The following TMEM132B variants were observed in gnomAD, a reference collection of about 807,000 sequenced individuals.
TMEM132B encodes the protein transmembrane protein 132B.
A neutral mutation model predicts 90.8 loss-of-function variants in TMEM132B; 18 were observed. That is an observed-to-expected ratio of 0.20 (90% CI 0.14 to 0.29). The LOEUF is 0.29. TMEM132B is among the 10% of genes least tolerant of loss of function. The pLI, the probability that TMEM132B is intolerant of heterozygous loss-of-function variation, is 1.00. For synonymous variants in TMEM132B, 504 were observed against 523.3 expected (o/e 0.96, Z 0.50); for missense variants, 1,096 against 1,326.8 (o/e 0.83, Z 2.70).
intron 1 of TMEM132B, among the ~76,000 whole-genome samples, chr12:125,241,017 C>T (rs1874052691): frequency 6.6e-6 from 1 of 152,176 alleles, no homozygotes; most frequent in Admixed American, 6.5e-5. Flanking sequence ...CGAGTACCTC[C>T]TTTAAAACAA....
At chr12:125,262,787 C>A (rs1183914212) in intron 1 of TMEM132B, among the ~76,000 whole-genome samples, 2 of 152,186 alleles carry the variant, frequency 1.3e-5, no homozygotes, top group Non-Finnish European at 2.9e-5. Context: ...AATATTCAAG[C>A]AAAGTGTGTT....
At chr12:125,570,084 G>A (rs372666273) in intron 4 of TMEM132B, among the ~76,000 whole-genome samples, 39 of 152,174 alleles carry the variant, frequency 2.6e-4, no homozygotes, top group African/African-American at 7.7e-4. Flanking sequence ...ACCTGCATTC[G>A]GCTACGTTTG....
chr12:125,361,303 C>A (rs56719683), intron 2 of TMEM132B, among the ~76,000 whole-genome samples: 1,883 of 152,236 alleles, frequency 0.012, 44 homozygotes, highest in African/African-American at 0.042. Flanking sequence ...AATGCTAAGT[C>A]ACTTGCCCAA....
At chr12:125,233,118 C>T (rs1213301219) in intron 1 of TMEM132B, among the ~76,000 whole-genome samples, 1 of 152,150 alleles carries the variant, frequency 6.6e-6, no homozygotes, top group Non-Finnish European at 1.5e-5. Flanking sequence ...AGGGACTTAT[C>T]CAGGCCAGGA....
At chr12:125,614,675 A>G (rs942852163) in intron 5 of TMEM132B, among the ~76,000 whole-genome samples, 1 of 152,192 alleles carries the variant, frequency 6.6e-6, no homozygotes, top group Non-Finnish European at 1.5e-5. Context: ...TTTAGTGGGA[A>G]TGTAAATTAG....
intron 2 of TMEM132B, among the ~76,000 whole-genome samples, chr12:125,375,636 C>T (rs2136277568): frequency 6.6e-6 from 1 of 152,352 alleles, no homozygotes; most frequent in Non-Finnish European, 1.5e-5. Flanking sequence ...TGGCTGCCGG[C>T]TCTCTTTGAG....
intron 4 of TMEM132B, among the ~76,000 whole-genome samples, chr12:125,532,041 A>G (rs973724696): frequency 6.6e-6 from 1 of 152,258 alleles, no homozygotes; most frequent in Admixed American, 6.5e-5. Context: ...CCTAACTTAC[A>G]TTAAAAACAT....
chr12:125,219,018 T>A lies in TMEM132B; in HGVS notation c.67+32152T>A, dbSNP rs570335241. Among the ~76,000 whole-genome samples, 4 of 152,274 alleles carry A rather than the reference T, an allele frequency of 2.6e-5. No individual in the cohort carries two copies. In the South Asian group the frequency reaches 8.3e-4, roughly 32 times the overall value. On this transcript the variant is annotated intron_variant, in intron 1 of 8. Transcript: ENST00000682704. ...CACTGACTTGTACCCTTTAAAATAGTTAATTTTATGCCATGTGAATTTCAC... is the reference window on the plus strand; with the variant it reads ...CACTGACTTGTACCCTTTAAAATAGATAATTTTATGCCATGTGAATTTCAC...
intron 4 of TMEM132B, among the ~76,000 whole-genome samples, chr12:125,571,539 T>A (rs1884794042): frequency 6.6e-6 from 1 of 152,206 alleles, no homozygotes; most frequent in South Asian, 2.1e-4. Context: ...AAATTAGTTG[T>A]CACTAATTAT....
At chr12:125,286,100 A>G (rs932489249) in intron 1 of TMEM132B, among the ~76,000 whole-genome samples, 1 of 152,246 alleles carries the variant, frequency 6.6e-6, no homozygotes, top group Non-Finnish European at 1.5e-5. Context: ...CTTTACATGT[A>G]TACCTTTCAT....
At chr12:125,538,068 C>T (rs773109314) in intron 4 of TMEM132B, among the ~76,000 whole-genome samples, 3 of 152,208 alleles carry the variant, frequency 2.0e-5, no homozygotes, top group Non-Finnish European at 4.4e-5. Flanking sequence ...TCTCAAGTCT[C>T]CATCCGCTGT....
chr12:125,624,263 G>A (rs1015118200), intron 5 of TMEM132B, among the ~76,000 whole-genome samples: 2 of 152,208 alleles, frequency 1.3e-5, no homozygotes, highest in East Asian at 1.9e-4. Context: ...TGGAAGTGGG[G>A]GCTGAGAGTG....
intron 3 of TMEM132B, among the ~76,000 whole-genome samples, chr12:125,513,978 G>A (rs528465573): frequency 3.8e-4 from 58 of 152,224 alleles, no homozygotes; most frequent in African/African-American, 1.3e-3. Context: ...CACACCACAG[G>A]GGGTGCCAAA....
Position 125,406,857 on chromosome 12 carries a change from T to G in TMEM132B, c.960-8674T>G, listed in dbSNP as rs1156734. Among the ~76,000 whole-genome samples, 72,897 of 152,014 alleles carry G rather than the reference T, an allele frequency of 0.48. 17,697 individuals carry two copies. Among genetic ancestry groups the G allele is most frequent in the Admixed American group, 0.57 (8,706 of 15,272 alleles). ...ACGCTGTTGTACTTATAAATATTGT[T>G]TATTCTAGTGAAAGGATACAAACTG... On this transcript the variant is annotated intron_variant, in intron 2 of 8. Transcript: ENST00000682704. The surrounding 1 kb of genome is among the most constrained non-coding windows in gnomAD (Gnocchi z 8.3).
intron 4 of TMEM132B, among the ~76,000 whole-genome samples, chr12:125,580,579 A>G (rs142712249): frequency 0.011 from 1,656 of 152,348 alleles, 26 homozygotes; most frequent in African/African-American, 0.038. Context: ...ACAGCACTAG[A>G]AAGTGTGAGA....
intron 3 of TMEM132B, among the ~76,000 whole-genome samples, chr12:125,436,512 C>T (rs1179353235): frequency 6.6e-6 from 1 of 152,158 alleles, no homozygotes; most frequent in Non-Finnish European, 1.5e-5. Context: ...TGGACACAGA[C>T]ATGCACACAG....
At chr12:125,211,263 C>T (rs1167298473) in intron 1 of TMEM132B, among the ~76,000 whole-genome samples, 1 of 152,082 alleles carries the variant, frequency 6.6e-6, no homozygotes, top group African/African-American at 2.4e-5. Context: ...CCAGGTTGGG[C>T]AGGTTCAATT....
intron 2 of TMEM132B, among the ~76,000 whole-genome samples, chr12:125,384,957 C>T (rs944050328): frequency 1.3e-5 from 2 of 152,132 alleles, no homozygotes; most frequent in African/African-American, 4.8e-5. Context: ...CAGCCATTTT[C>T]TACCCTTTGA....
At chr12:125,615,665 A>G (rs146064563) in intron 5 of TMEM132B, among the ~76,000 whole-genome samples, 75 of 152,300 alleles carry the variant, frequency 4.9e-4, no homozygotes, top group African/African-American at 1.8e-3. Context: ...TTATGTCTTT[A>G]AATATATTTC....
Sources: gnomAD v4.1 joint callset for allele counts (sites outside exome capture counted in the v4.1 genomes callset) on GRCh38, gnomAD v4.1.1 for gene constraint, Gnocchi (gnomAD v3.1) non-coding constraint, MANE v1.5 for transcripts, NCBI Gene and HGNC (gene_info 2026-07-23, HGNC 2026-07-21) for gene names.